The following ZNF558 variants were observed in gnomAD, a reference collection of about 807,000 sequenced individuals.
ZNF558 encodes the protein zinc finger protein 558.
ZNF558 carries 23 observed loss-of-function variants against 37.6 expected under a neutral mutation model. The observed-to-expected ratio is 0.61, with a 90% CI of 0.44 to 0.87. The LOEUF (loss-of-function observed/expected upper bound fraction) is 0.87. Ranked by LOEUF, ZNF558 falls within the 40% of genes least tolerant of loss-of-function variation. The pLI is 0.00. For missense variants in ZNF558, 429 were observed against 483.7 expected, an observed-to-expected ratio of 0.89 and a Z score of 1.06; for synonymous variants, 189 against 174.4, an observed-to-expected ratio of 1.08 and a Z score of -0.66.
At chr19:8,813,316 G>A (rs1465301265) in intron 7 of ZNF558, 94 bp from the exon 8 acceptor site, 2 of 925,672 alleles carry the variant, frequency 2.2e-6, no homozygotes, top group Non-Finnish European at 3.4e-6. Context: ...ATGGAAAAGT[G>A]TGACTTTAGG....
rs1350464750 is a variant in ZNF558 at position 8,812,617 on chromosome 19, A to G, written c.370T>C (p.Trp124Arg). The change falls in exon 9 of 10, where the codon TGG becomes CGG. Residue 124 changes from tryptophan (W) to arginine (R), a missense_variant. By Grantham distance (101) the Trp-to-Arg change is moderately radical. Transcript: ENST00000601372. ...PDLETLLKAK[W>R]LTPKKNVFRK... ...AAAACATTCTTCTTAGGAGTTAACCATTTGGCTTTAAGTAGAGTCTCCAAA... is the reference window on the plus strand; with the variant it reads ...AAAACATTCTTCTTAGGAGTTAACCGTTTGGCTTTAAGTAGAGTCTCCAAA... 6.2e-7 allele frequency: 1 copy of G among 1,603,584 alleles called. No homozygotes were observed. The highest frequency in any genetic ancestry group is 8.5e-7 in the Non-Finnish European group (1 of 1,177,412).
chr19:8,819,098 C>T (rs897730639), intron 7 of ZNF558, among the ~76,000 whole-genome samples: 2 of 152,140 alleles, frequency 1.3e-5, no homozygotes, highest in African/African-American at 2.4e-5. Flanking sequence ...TCTTCATGAC[C>T]TTGACTTGAG....
intron 6 of ZNF558, chr19:8,821,739 T>C: frequency 7.5e-7 from 1 of 1,326,926 alleles, no homozygotes; most frequent in Non-Finnish European, 9.6e-7. Context: ...GTTTAGAACA[T>C]CATCACGTCT....
intron 6 of ZNF558, 184 bp downstream of exon 6, chr19:8,821,819 C>G (rs1451656608): frequency 7.0e-6 from 10 of 1,430,350 alleles, no homozygotes; most frequent in Non-Finnish European, 9.2e-6. Context: ...GAGCTCTGAA[C>G]CTGCAGTAAA....
upstream of ZNF558, among the ~76,000 whole-genome samples, chr19:8,834,891 A>G (rs895209282): frequency 3.3e-5 from 5 of 152,192 alleles, no homozygotes; most frequent in Admixed American, 1.3e-4. Context: ...ACATTAAAAA[A>G]CATTGATGCT....
intron 3 of ZNF558, among the ~76,000 whole-genome samples, chr19:8,824,788 G>A (rs547310521): frequency 6.6e-6 from 1 of 152,204 alleles, no homozygotes; most frequent in South Asian, 2.1e-4. Context: ...CCTTCCTCAT[G>A]CCCCTCAAGC....
chr19:8,821,298 T>C lies in ZNF558; in HGVS notation c.129A>G (p.Val43=), dbSNP rs2145248931. Residue 43 remains valine, a synonymous_variant, in exon 7 of 10, where the codon GTA becomes GTG. Coordinates refer to ENST00000601372, the MANE Select transcript of ZNF558 (RefSeq NM_144693.3). The part of the protein sequence containing the change: ...ELLTSWLRGL[V]TFEDVAVEFT... ...ACTCCACGGCCACATCCTCGAAGGT[T>C]ACCAAGCCCTAAAGCATTGCAAACA... 1.2e-6 allele frequency: 2 copies of C among 1,614,154 alleles called. No individual in the cohort carries two copies. Among genetic ancestry groups the C allele is most frequent in the Non-Finnish European group, 1.7e-6 (2 of 1,180,026 alleles).
At position 8,821,871 on chromosome 19, in the gene ZNF558, C is replaced by T; in HGVS notation, c.120+132G>A. On this transcript the variant is annotated intron_variant, in intron 6 of 9. Transcript: ENST00000601372. Reference sequence around the variant, plus strand: ...CATTTTCTGGGCAGCCCTCACCCTCCATCTGATGCCTGGAAATCCTGGGAT... The same window carrying T: ...CATTTTCTGGGCAGCCCTCACCCTCTATCTGATGCCTGGAAATCCTGGGAT... 2.6e-6 allele frequency: 4 copies of T among 1,524,804 alleles called. No homozygotes were observed. In the South Asian group the frequency reaches 5.2e-5, roughly 20 times the overall value. 94.5% of individuals were successfully genotyped at this position (1,524,804 alleles called of 1,614,324 possible). A position where few individuals can be genotyped will look rare whatever the true frequency, so the allele number is the denominator to read the frequency against.
chr19:8,813,259 G>A (rs1287226026), intron 7 of ZNF558, 37 bp from the exon 8 acceptor site: 1 of 1,513,712 alleles, frequency 6.6e-7, no homozygotes, highest in South Asian at 1.2e-5. Context: ...ATAGGTAACA[G>A]TGCTGGGGAC....
rs782801842 is a variant in ZNF558 at position 8,811,824 on chromosome 19, G to A, written c.666C>T (p.Ser222=). The A allele has an allele frequency of 3.1e-6, 5 of 1,613,976 alleles. No homozygotes were observed. In the African/African-American group the frequency reaches 6.7e-5, roughly 22 times the overall value. ...HCGKAFSDPS[S]LRLHLRIHTG... The stretch of plus-strand genomic sequence containing the variant: ...TGTGAATTCTCAAATGCAGTCTAAG[G>A]GATGAGGGATCACTAAATGCTTTCC... The change falls in exon 10 of 10, where the codon TCC becomes TCT. Residue 222 remains serine, a synonymous_variant. Coordinates refer to ENST00000601372, the MANE Select transcript of ZNF558 (RefSeq NM_144693.3).
Position 8,825,438 on chromosome 19 carries a change from C to A in ZNF558, c.-508-330G>T, listed in dbSNP as rs565742615. On this transcript the variant is annotated intron_variant, in intron 2 of 9. Transcript: ENST00000601372. ...GAAACATGTAGCCAGGAAAAAAAAA[C>A]CCCAAACCAAAACCAAAACAAAGAA... Among the ~76,000 whole-genome samples the A allele has an allele frequency of 1.8e-3, 273 of 151,806 alleles. 1 individual carries two copies. The highest frequency in any genetic ancestry group is 5.9e-3 in the African/African-American group (244 of 41,402).
intron 4 of ZNF558, among the ~76,000 whole-genome samples, chr19:8,823,478 AC>A (rs1297914309): frequency 1.3e-5 from 1 of 74,246 alleles, no homozygotes; most frequent in Non-Finnish European, 2.6e-5. Context: ...TGCCTTGGTC[AC>A]CCCCCTCCTG....
At chr19:8,818,744 A>T (rs1056873346) in intron 7 of ZNF558, among the ~76,000 whole-genome samples, 1 of 152,184 alleles carries the variant, frequency 6.6e-6, no homozygotes, top group Non-Finnish European at 1.5e-5. Flanking sequence ...ACATAGACCA[A>T]TGGAGCCAGG....
chr19:8,828,830 G>GT (rs1404306629), intron 2 of ZNF558, among the ~76,000 whole-genome samples: 1 of 152,064 alleles, frequency 6.6e-6, no homozygotes, highest in Non-Finnish European at 1.5e-5. Context: ...AGGTGTGGTG[G>GT]TATGTGCCTG....
rs772694116 is a variant in ZNF558 at position 8,821,315 on chromosome 19, T to C, written c.121-9A>G. On this transcript the variant is annotated splice_polypyrimidine_tract_variant and intron_variant, in intron 6 of 9. Coordinates refer to ENST00000601372, the MANE Select transcript of ZNF558 (RefSeq NM_144693.3). The stretch of plus-strand genomic sequence containing the variant: ...TCGAAGGTTACCAAGCCCTAAAGCA[T>C]TGCAAACATCACGGCTTAGCCAAGG... The C allele has an allele frequency of 6.2e-7, 1 of 1,614,100 alleles. No individual in the cohort carries two copies. Among genetic ancestry groups the C allele is most frequent in the Non-Finnish European group, 8.5e-7 (1 of 1,180,022 alleles).
intron 7 of ZNF558, among the ~76,000 whole-genome samples, chr19:8,814,216 A>G (rs555698899): frequency 5.6e-4 from 85 of 152,300 alleles, no homozygotes; most frequent in African/African-American, 1.9e-3. Context: ...ACAACCTTGA[A>G]GACAACAGCC....
Position 8,822,935 on chromosome 19 carries a change from TCCCTGACC to T in ZNF558, c.-65-219_-65-212del, listed in dbSNP as rs940712551. On this transcript the variant is annotated intron_variant, in intron 4 of 9. Coordinates refer to ENST00000601372, the MANE Select transcript of ZNF558 (RefSeq NM_144693.3). This position sits in a 1 kb window ranked among gnomAD's most constrained non-coding sequence, Gnocchi z 4.4. ...TGTCCCCAACACAACGACCAGTACC[TCCCTGACC>T]CACCCGCTTTGAGAACCTCGGCTTC... 5.1e-5 allele frequency: 26 copies of T among 507,400 alleles called. No individual in the cohort carries two copies. The highest frequency in any genetic ancestry group is 8.2e-5 in the Non-Finnish European group (23 of 278,882). The allele number at this position is 507,400 out of a possible 1,614,324, so 31.4% of individuals were successfully genotyped here.
intron 2 of ZNF558, among the ~76,000 whole-genome samples, chr19:8,826,604 G>A (rs549197752): frequency 6.6e-6 from 1 of 152,188 alleles, no homozygotes; most frequent in Non-Finnish European, 1.5e-5. Context: ...AATGAGGAGT[G>A]GCTGTAAATA....
chr19:8,816,233 A>C (rs996206997), intron 7 of ZNF558, among the ~76,000 whole-genome samples: 1 of 152,070 alleles, frequency 6.6e-6, no homozygotes, highest in African/African-American at 2.4e-5. Flanking sequence ...CGTCTGACTA[A>C]TTTTTTAATT....
Sources: allele counts gnomAD v4.1 joint callset (sites outside exome capture counted in the v4.1 genomes callset), GRCh38; gene constraint gnomAD v4.1.1; non-coding constraint Gnocchi (gnomAD v3.1); transcripts MANE v1.5; gene names NCBI Gene and HGNC (gene_info 2026-07-23, HGNC 2026-07-21).